FLACC1: variants seen among roughly 807,000 people sequenced by gnomAD.
The protein encoded by FLACC1 is flagellum associated containing coiled-coil domains 1.
Under a neutral mutation model 62.8 loss-of-function variants are expected in FLACC1, and 66 were observed. The observed-to-expected ratio is 1.05, with a 90% confidence interval of 0.86 to 1.29. The LOEUF is 1.29. Ranked by LOEUF, FLACC1 falls within the 50% of genes most tolerant of loss-of-function variation. The probability of loss-of-function intolerance (pLI) is 0.00; values close to 1 mark genes in which losing one functional copy is unlikely to be tolerated. For synonymous variants in FLACC1, 156 were observed against 161.0 expected (o/e 0.97, Z 0.24); for missense variants, 452 against 489.1 (o/e 0.92, Z 0.71).
intron 9 of FLACC1, among the ~76,000 whole-genome samples, chr2:201,327,193 A>G (rs1302431297): frequency 6.6e-6 from 1 of 152,194 alleles, no homozygotes; most frequent in East Asian, 1.9e-4. Flanking sequence ...CAAAGACTTA[A>G]ATATGAGACC....
chr2:201,309,190 C>A lies in FLACC1; in HGVS notation c.736G>T (p.Asp246Tyr), dbSNP rs369567476. 6.8e-6 allele frequency: 11 copies of A among 1,613,962 alleles called. No individual in the cohort carries two copies. The highest frequency in any genetic ancestry group is 9.3e-6 in the Non-Finnish European group (11 of 1,179,974). ...WSKQKAKWKKDEKFERENILL... is the reference protein window; with the variant it reads ...WSKQKAKWKKYEKFERENILL... ...ATATTTTCTCGCTCGAACTTCTCAT[C>A]CTTCTTCCATTTCGCCTTCTGTTTT... Residue 246 changes from aspartate (D) to tyrosine (Y), a missense_variant, in exon 10 of 15, where the codon GAT (aspartate) becomes TAT (tyrosine). This residue lies in a region of FLACC1 where 301 missense variants were observed against 318.4 expected (regional missense o/e 0.95). Transcript: ENST00000392257.
intron 11 of FLACC1, among the ~76,000 whole-genome samples, chr2:201,306,911 T>C (rs1950118453): frequency 6.6e-6 from 1 of 152,296 alleles, no homozygotes; most frequent in East Asian, 1.9e-4. Context: ...CATATATGAA[T>C]GGACCAATAA....
At chr2:201,315,663 C>G (rs1429961626) in intron 9 of FLACC1, among the ~76,000 whole-genome samples, 1 of 152,032 alleles carries the variant, frequency 6.6e-6, no homozygotes, top group African/African-American at 2.4e-5. Context: ...AGAAAGTTAA[C>G]AAAGAAACAA....
chr2:201,293,500 A>C (rs916533311), intron 12 of FLACC1, among the ~76,000 whole-genome samples: 11 of 152,232 alleles, frequency 7.2e-5, no homozygotes, highest in African/African-American at 1.7e-4. Flanking sequence ...ACATACCAGA[A>C]TCTCTGGGAC....
intron 12 of FLACC1, among the ~76,000 whole-genome samples, chr2:201,296,923 A>G (rs1487049637): frequency 6.6e-6 from 1 of 152,184 alleles, no homozygotes; most frequent in African/African-American, 2.4e-5. Context: ...GGAACTAAGG[A>G]GGAGAATACT....
In FLACC1 at chr2:201,346,191, C is replaced by A. The variant is rs1481641637; in HGVS notation, c.368+351G>T. The stretch of plus-strand genomic sequence containing the variant: ...AAAAAAAAAGTGCACTCCAGCCACC[C>A]AGAAACCCTCACTTTACTTAATTTG... On this transcript the variant is annotated intron_variant, in intron 5 of 14. Transcript: ENST00000392257. The surrounding 1 kb of genome is among the most constrained non-coding windows in gnomAD (Gnocchi z 4.0). Among the ~76,000 whole-genome samples, 1 of 152,104 alleles carries A rather than the reference C, an allele frequency of 6.6e-6. No homozygotes were observed. Among genetic ancestry groups the A allele is most frequent in the Non-Finnish European group, 1.5e-5 (1 of 67,988 alleles).
In FLACC1 at chr2:201,313,149, C is replaced by G. The variant is rs77935496; in HGVS notation, c.676-3899G>C. Among the ~76,000 whole-genome samples, 190 of 152,288 alleles carry G rather than the reference C, an allele frequency of 1.2e-3. 1 individual carries two copies. Among genetic ancestry groups the G allele is most frequent in the African/African-American group, 4.3e-3 (179 of 41,562 alleles). On this transcript the variant is annotated intron_variant, in intron 9 of 14. Transcript: ENST00000392257. ...TGCCAGAGGAACTCAGAAAACATCA[C>G]AGGGAGAAGGAAAACTCCAGCTGAA...
At chr2:201,364,144 T>C in the FLACC1 span, among the ~76,000 whole-genome samples, 3 of 152,306 alleles carry the variant, frequency 2.0e-5, no homozygotes, top group African/African-American at 4.8e-5. Context: ...TACTGGTTTG[T>C]AGGTTGAACT....
upstream of FLACC1, among the ~76,000 whole-genome samples, chr2:201,360,445 T>C (rs1951176508): frequency 6.6e-6 from 1 of 152,126 alleles, no homozygotes; most frequent in Non-Finnish European, 1.5e-5. Flanking sequence ...GCTGGGAGCA[T>C]TCGGAGGCTT....
chr2:201,334,400 T>C (rs753641956), intron 7 of FLACC1, among the ~76,000 whole-genome samples: 22 of 152,222 alleles, frequency 1.4e-4, no homozygotes, highest in Non-Finnish European at 2.8e-4. Flanking sequence ...TTTTTGTATC[T>C]AAGTTCATTT....
intron 11 of FLACC1, among the ~76,000 whole-genome samples, chr2:201,301,463 C>A (rs1949981284): frequency 6.6e-6 from 1 of 152,108 alleles, no homozygotes; most frequent in African/African-American, 2.4e-5. Flanking sequence ...GATTGGTGTA[C>A]CTGAAAGTGA....
chr2:201,328,278 CA>C (rs1380852157), intron 9 of FLACC1, among the ~76,000 whole-genome samples: 1 of 151,804 alleles, frequency 6.6e-6, no homozygotes, highest in Non-Finnish European at 1.5e-5. Flanking sequence ...ATCCAGGTAA[CA>C]AAAAAACCAT....
In FLACC1 at chr2:201,305,655, T is replaced by C. The variant is rs563824945; in HGVS notation, c.879+1864A>G. Among the ~76,000 whole-genome samples the C allele has an allele frequency of 5.1e-3, 783 of 152,278 alleles. 9 individuals carry two copies. Among genetic ancestry groups the C allele is most frequent in the African/African-American group, 0.017 (726 of 41,550 alleles). On this transcript the variant is annotated intron_variant, in intron 11 of 14. Coordinates refer to ENST00000392257, the MANE Select transcript of FLACC1 (RefSeq NM_001127391.3). ...CACACGTATGTTTATTGTGGCACTA[T>C]TCACAATAGCAAAGACTTGGAACCA...
At chr2:201,322,368 C>T (rs1210290878) in intron 9 of FLACC1, among the ~76,000 whole-genome samples, 1 of 151,954 alleles carries the variant, frequency 6.6e-6, no homozygotes, top group Non-Finnish European at 1.5e-5. Context: ...CATTACAGCC[C>T]CATAGGAGAC....
At chr2:201,322,293 G>A (rs1157591045) in intron 9 of FLACC1, among the ~76,000 whole-genome samples, 5 of 150,638 alleles carry the variant, frequency 3.3e-5, no homozygotes, top group African/African-American at 4.9e-5. Flanking sequence ...AAAACTGGAC[G>A]AAAATGCGTA....
chr2:201,293,492 A>G (rs1292893281), intron 12 of FLACC1, among the ~76,000 whole-genome samples: 1 of 152,232 alleles, frequency 6.6e-6, no homozygotes, highest in African/African-American at 2.4e-5. Context: ...AAGACACAAC[A>G]TACCAGAATC....
chr2:201,298,096 G>A (rs1388249234), intron 12 of FLACC1, among the ~76,000 whole-genome samples: 2 of 152,158 alleles, frequency 1.3e-5, no homozygotes, highest in Non-Finnish European at 2.9e-5. Context: ...GCAAGGAGCA[G>A]GTGGAACAAT....
At chr2:201,358,669 G>A (rs533470912), upstream of FLACC1, among the ~76,000 whole-genome samples, 47 of 151,942 alleles carry the variant, frequency 3.1e-4, no homozygotes, top group South Asian at 1.2e-3. Context: ...CGCCCGCCTC[G>A]GCCTCCCAAA....
In FLACC1 at chr2:201,342,930, G is replaced by A. The variant is rs984828832; in HGVS notation, c.463-499C>T. On this transcript the variant is annotated intron_variant, in intron 6 of 14. Transcript: ENST00000392257. ...GCAGGCAGGATTTGCTCACTTTCAG[G>A]TGATACTTCATTCTAACATGTCAGA... Among the ~76,000 whole-genome samples the A allele has an allele frequency of 2.0e-5, 3 of 152,218 alleles. No homozygotes were observed. In the South Asian group the frequency reaches 6.2e-4, roughly 32 times the overall value.
Sources: gnomAD v4.1 joint callset for allele counts (sites outside exome capture counted in the v4.1 genomes callset) on GRCh38, gnomAD v4.1.1 for gene constraint, gnomAD v4.1.1 regional missense constraint, Gnocchi (gnomAD v3.1) non-coding constraint, MANE v1.5 for transcripts, NCBI Gene and HGNC (gene_info 2026-07-23, HGNC 2026-07-21) for gene names.